The following ASXL2 variants were observed in gnomAD, a reference collection of about 807,000 sequenced individuals.
The protein encoded by ASXL2 is putative Polycomb group protein ASXL2.
A neutral mutation model predicts 122.0 loss-of-function variants in ASXL2; 23 were observed. That is an observed-to-expected ratio of 0.19 (90% CI 0.14 to 0.27). The LOEUF (loss-of-function observed/expected upper bound fraction) is 0.27. Ranked by LOEUF, ASXL2 falls within the 10% of genes least tolerant of loss-of-function variation. The pLI, the probability that ASXL2 is intolerant of heterozygous loss-of-function variation, is 1.00. For synonymous variants in ASXL2, 650 were observed against 637.0 expected, an observed-to-expected ratio of 1.02 and a Z score of -0.31; for missense variants, 1,518 against 1,713.8, an observed-to-expected ratio of 0.89 and a Z score of 2.02.
intron 1 of ASXL2, among the ~76,000 whole-genome samples, chr2:25,864,806 A>G (rs1253284189): frequency 6.6e-6 from 1 of 152,028 alleles, no homozygotes; most frequent in Non-Finnish European, 1.5e-5. Flanking sequence ...ACACAATTAC[A>G]AAAATAAAAC....
intron 6 of ASXL2, among the ~76,000 whole-genome samples, chr2:25,771,221 G>A (rs2088446685): frequency 6.6e-6 from 1 of 152,190 alleles, no homozygotes; most frequent in East Asian, 1.9e-4. Context: ...TGGCAACTGA[G>A]ACTCTGTCTC....
chr2:25,866,481 T>G (rs1236136964), intron 1 of ASXL2, among the ~76,000 whole-genome samples: 1 of 152,010 alleles, frequency 6.6e-6, no homozygotes, highest in East Asian at 1.9e-4. Flanking sequence ...CTATGGGAGG[T>G]CTATAAGAAA....
At chr2:25,873,197 A>G (rs1199724819) in intron 1 of ASXL2, among the ~76,000 whole-genome samples, 1 of 152,068 alleles carries the variant, frequency 6.6e-6, no homozygotes, top group Non-Finnish European at 1.5e-5. Flanking sequence ...GCCCATGCCA[A>G]TGCTTTCTCA....
rs2087772431 is a variant in ASXL2, at chr2:25,738,462, C to G, written c.*3567G>C. 1 of 152,204 alleles carries G rather than the reference C, an allele frequency of 6.6e-6. No homozygotes were observed. The highest frequency in any genetic ancestry group is 1.5e-5 in the Non-Finnish European group (1 of 68,036). The allele number at this position is 152,204 out of a possible 1,614,324, so 9.4% of individuals were successfully genotyped here. Reference sequence around the variant, plus strand: ...ACCCTTGGCCAAGTTACTTACTTAGCACACAGTTGTAAGGAGATGGGGAGA... The same window carrying G: ...ACCCTTGGCCAAGTTACTTACTTAGGACACAGTTGTAAGGAGATGGGGAGA... On this transcript the variant is annotated 3_prime_UTR_variant, in exon 13 of 13. Transcript: ENST00000435504.
At chr2:25,835,124 C>T (rs1296873500) in intron 3 of ASXL2, among the ~76,000 whole-genome samples, 3 of 151,996 alleles carry the variant, frequency 2.0e-5, no homozygotes, top group South Asian at 2.1e-4. Flanking sequence ...CATGCCCAGC[C>T]GATTTACCAA....
chr2:25,818,935 A>G (rs2089273935), intron 3 of ASXL2, among the ~76,000 whole-genome samples: 1 of 152,236 alleles, frequency 6.6e-6, no homozygotes, highest in South Asian at 2.1e-4. Flanking sequence ...AGGGTCTCAC[A>G]TAAGTGACTA....
intron 3 of ASXL2, among the ~76,000 whole-genome samples, chr2:25,823,261 C>G (rs2089333458): frequency 6.6e-6 from 1 of 152,156 alleles, no homozygotes; most frequent in Non-Finnish European, 1.5e-5. Context: ...ATCTCACCAC[C>G]TAAGTCTCCT....
chr2:25,861,854 A>G (rs565389851), intron 1 of ASXL2, among the ~76,000 whole-genome samples: 23 of 152,326 alleles, frequency 1.5e-4, no homozygotes, highest in Middle Eastern at 3.4e-3. Flanking sequence ...CTACAGACCC[A>G]TATCTCTCAT....
intron 1 of ASXL2, among the ~76,000 whole-genome samples, chr2:25,874,150 C>T (rs2149205204): frequency 6.6e-6 from 1 of 152,104 alleles, no homozygotes; most frequent in East Asian, 1.9e-4. Flanking sequence ...TCAAGACCAG[C>T]CTGGGAAACT....
chr2:25,848,077 C>A (rs992946105), intron 1 of ASXL2, among the ~76,000 whole-genome samples: 3 of 152,122 alleles, frequency 2.0e-5, no homozygotes, highest in African/African-American at 7.2e-5. Context: ...TGCACACATA[C>A]ATCTGTCCAA....
chr2:25,788,921 G>GT (rs1454807334), intron 5 of ASXL2, among the ~76,000 whole-genome samples: 1 of 151,608 alleles, frequency 6.6e-6, no homozygotes, highest in Non-Finnish European at 1.5e-5. Flanking sequence ...TACCCAGTAT[G>GT]TTTTTTTCTT....
chr2:25,790,436 A>C (rs1174675635), intron 5 of ASXL2, among the ~76,000 whole-genome samples: 1 of 151,350 alleles, frequency 6.6e-6, no homozygotes, highest in Non-Finnish European at 1.5e-5. Context: ...AAAAACATAA[A>C]AAAAGGAAAA....
intron 5 of ASXL2, among the ~76,000 whole-genome samples, chr2:25,798,311 C>G (rs2088941619): frequency 6.6e-6 from 1 of 152,090 alleles, no homozygotes. Flanking sequence ...ACCTGTACCC[C>G]TGAACTTAAA....
At chr2:25,821,213 CA>C (rs2089305475) in intron 3 of ASXL2, among the ~76,000 whole-genome samples, 1 of 151,796 alleles carries the variant, frequency 6.6e-6, no homozygotes, top group South Asian at 2.1e-4. Flanking sequence ...AATAAATAGC[CA>C]GGTGTGGTGG....
At chr2:25,836,404 G>C (rs2089510640) in intron 2 of ASXL2, among the ~76,000 whole-genome samples, 2 of 152,122 alleles carry the variant, frequency 1.3e-5, no homozygotes, top group African/African-American at 4.8e-5. Context: ...ACTCTGCAGG[G>C]ATAAGGATTT....
At chr2:25,850,589 C>T (rs1201265193) in intron 1 of ASXL2, among the ~76,000 whole-genome samples, 1 of 152,186 alleles carries the variant, frequency 6.6e-6, no homozygotes, top group Non-Finnish European at 1.5e-5. Context: ...ACACACAAAA[C>T]ATCTATGATC....
In ASXL2 at chr2:25,734,351, C is replaced by T. The variant is rs1214893522; in HGVS notation, c.*7678G>A. ...GCAAAGTGATTATATGTAGGTTAAG[C>T]TGGGGTCACTACTGAAGAAGTCTCC... is the stretch of plus-strand genomic sequence containing the variant. On this transcript the variant is annotated 3_prime_UTR_variant, in exon 13 of 13. Transcript: ENST00000435504. 6.6e-6 allele frequency: 1 copy of T among 152,138 alleles called. No individual in the cohort carries two copies. The highest frequency in any genetic ancestry group is 6.5e-5 in the Admixed American group (1 of 15,270). The allele number at this position is 152,138 out of a possible 1,614,324, so 9.4% of individuals were successfully genotyped here.
At chr2:25,871,442 C>CA (rs2089961254) in intron 1 of ASXL2, among the ~76,000 whole-genome samples, 1 of 152,082 alleles carries the variant, frequency 6.6e-6, no homozygotes, top group Non-Finnish European at 1.5e-5. Flanking sequence ...GTAGCAGCAG[C>CA]AGCAGCACCT....
rs534913033 is a variant in ASXL2, at chr2:25,735,895, C to G, written c.*6134G>C. On this transcript the variant is annotated 3_prime_UTR_variant, in exon 13 of 13. Transcript: ENST00000435504. ...ACTGTGTCCAGTGTCTCAAACACTTCCATTTCATAACTCATTTAAATTTTC... is the reference window on the plus strand; with the variant it reads ...ACTGTGTCCAGTGTCTCAAACACTTGCATTTCATAACTCATTTAAATTTTC... 3.9e-5 allele frequency: 6 copies of G among 152,132 alleles called. No individual in the cohort carries two copies. The highest frequency in any genetic ancestry group is 8.8e-5 in the Non-Finnish European group (6 of 68,028). The allele number at this position is 152,132 out of a possible 1,614,324, so 9.4% of individuals were successfully genotyped here.
Sources: gnomAD v4.1 joint callset for allele counts (sites outside exome capture counted in the v4.1 genomes callset) on GRCh38, gnomAD v4.1.1 for gene constraint, MANE v1.5 for transcripts, NCBI Gene and HGNC (gene_info 2026-07-23, HGNC 2026-07-21) for gene names.